The following WDTC1 variants were observed in gnomAD, a reference collection of about 807,000 sequenced individuals.
The protein encoded by WDTC1 is WD and tetratricopeptide repeats protein 1.
A neutral mutation model predicts 76.0 loss-of-function variants in WDTC1; 12 were observed. The ratio of observed to expected loss-of-function variants is 0.16; its 90% confidence interval spans 0.10 to 0.26. The LOEUF (loss-of-function observed/expected upper bound fraction) is 0.26, where lower values mean the gene tolerates loss of function less well. Ranked by LOEUF, WDTC1 falls within the 10% of genes least tolerant of loss-of-function variation. The probability of loss-of-function intolerance (pLI) is 1.00; values close to 1 mark genes in which losing one functional copy is unlikely to be tolerated. For missense variants in WDTC1, 511 were observed against 908.8 expected, an observed-to-expected ratio of 0.56 and a Z score of 5.63; for synonymous variants, 326 against 350.8, an observed-to-expected ratio of 0.93 and a Z score of 0.79.
intron 3 of WDTC1, among the ~76,000 whole-genome samples, chr1:27,273,503 C>T (rs770142685): frequency 6.6e-6 from 1 of 152,030 alleles, no homozygotes; most frequent in Non-Finnish European, 1.5e-5. Context: ...CCACCGTGCC[C>T]GGCCAGTGAC....
chr1:27,286,655 G>T (rs1289372351), intron 5 of WDTC1, among the ~76,000 whole-genome samples: 5 of 150,684 alleles, frequency 3.3e-5, no homozygotes, highest in Non-Finnish European at 5.9e-5. Flanking sequence ...GTAGAGACGG[G>T]GTTTCACCGT....
chr1:27,281,791 T>C (rs1351909762), intron 3 of WDTC1, among the ~76,000 whole-genome samples: 1 of 152,076 alleles, frequency 6.6e-6, no homozygotes, highest in Non-Finnish European at 1.5e-5. Flanking sequence ...GGTTTCGCCG[T>C]GTTGCCCAGG....
intron 6 of WDTC1, among the ~76,000 whole-genome samples, chr1:27,288,708 T>A (rs1368305392): frequency 2.6e-5 from 4 of 151,762 alleles, no homozygotes; most frequent in East Asian, 1.9e-4. Context: ...AGAAGAATTT[T>A]TCTTAGTACA....
At chr1:27,273,196 T>C (rs1165912275) in intron 3 of WDTC1, among the ~76,000 whole-genome samples, 1 of 137,856 alleles carries the variant, frequency 7.3e-6, no homozygotes, top group Non-Finnish European at 1.5e-5. Context: ...ACTAATTTTC[T>C]TTTTCTTTTC....
chr1:27,287,903 T>C (rs2013389405), intron 6 of WDTC1, 42 bp downstream of exon 6: 1 of 1,581,978 alleles, frequency 6.3e-7, no homozygotes, highest in Non-Finnish European at 8.6e-7. Context: ...CGCTCCCCCA[T>C]CCCATCATCC....
chr1:27,245,358 A>G (rs1292436824), intron 1 of WDTC1, among the ~76,000 whole-genome samples: 1 of 151,706 alleles, frequency 6.6e-6, no homozygotes, highest in Non-Finnish European at 1.5e-5. Context: ...CTAAGCTTAC[A>G]TCACTCCTGG....
intron 3 of WDTC1, among the ~76,000 whole-genome samples, chr1:27,271,857 G>A (rs918396441): frequency 1.3e-5 from 2 of 149,168 alleles, no homozygotes; most frequent in African/African-American, 4.9e-5. Flanking sequence ...GGCTGGTCTC[G>A]AACTCCCGGC....
intron 12 of WDTC1, among the ~76,000 whole-genome samples, chr1:27,300,659 A>C (rs1007152263): frequency 1.3e-5 from 2 of 152,086 alleles, no homozygotes; most frequent in African/African-American, 2.4e-5. Flanking sequence ...CTCCAGCCCC[A>C]GGAGGTAGAG....
chr1:27,239,889 A>C (rs942323325), intron 1 of WDTC1, among the ~76,000 whole-genome samples: 1 of 150,838 alleles, frequency 6.6e-6, no homozygotes, highest in African/African-American at 2.4e-5. Flanking sequence ...CACTTGCTAG[A>C]TACTTTTTCT....
At chr1:27,237,432 C>A (rs980952017) in intron 1 of WDTC1, among the ~76,000 whole-genome samples, 1 of 152,120 alleles carries the variant, frequency 6.6e-6, no homozygotes, top group African/African-American at 2.4e-5. Flanking sequence ...TCCACCTCAC[C>A]TTTCCAGATG....
At chr1:27,288,348 T>C (rs2013405629) in intron 6 of WDTC1, among the ~76,000 whole-genome samples, 2 of 150,788 alleles carry the variant, frequency 1.3e-5, no homozygotes, top group African/African-American at 2.5e-5. Flanking sequence ...TAATTAATTT[T>C]TATTTATTTA....
intron 1 of WDTC1, among the ~76,000 whole-genome samples, chr1:27,235,641 G>A (rs1449006944): frequency 6.6e-6 from 1 of 152,028 alleles, no homozygotes; most frequent in Non-Finnish European, 1.5e-5. Context: ...ACTGAAAGCC[G>A]CAGTGGGACG....
At chr1:27,271,899 A>G (rs897968900) in intron 3 of WDTC1, among the ~76,000 whole-genome samples, 8 of 149,772 alleles carry the variant, frequency 5.3e-5, no homozygotes, top group Non-Finnish European at 1.5e-5. Flanking sequence ...AGCCTCCCAA[A>G]GTGCTGGGAT....
At chr1:27,240,948 C>G (rs2011612104) in intron 1 of WDTC1, among the ~76,000 whole-genome samples, 1 of 139,450 alleles carries the variant, frequency 7.2e-6, no homozygotes, top group Non-Finnish European at 1.5e-5. Context: ...GTACTCCAGC[C>G]TGGGTGACAG....
chr1:27,268,427 TGG>T (rs2012745666), intron 3 of WDTC1, among the ~76,000 whole-genome samples: 4 of 151,062 alleles, frequency 2.6e-5, no homozygotes, highest in Admixed American at 6.6e-5. Context: ...TGTTTGTTTG[TGG>T]TTTTTTTGTG....
At chr1:27,247,055 A>G (rs1423527960) in intron 1 of WDTC1, among the ~76,000 whole-genome samples, 1 of 151,372 alleles carries the variant, frequency 6.6e-6, no homozygotes, top group Non-Finnish European at 1.5e-5. Context: ...TTATTTATTT[A>G]ATTAATTAAA....
rs972934355 is a variant in WDTC1 at position 27,301,095 on chromosome 1, C to G, written c.1233-131C>G. 1.3e-6 allele frequency: 1 copy of G among 756,566 alleles called. No individual in the cohort carries two copies. Among genetic ancestry groups the G allele is most frequent in the South Asian group, 1.7e-5 (1 of 59,712 alleles). The allele number at this position is 756,566 out of a possible 1,614,324, so 46.9% of individuals were successfully genotyped here. On this transcript the variant is annotated intron_variant, in intron 12 of 15. Transcript: ENST00000319394. The surrounding 1 kb of genome is among the most constrained non-coding windows in gnomAD (Gnocchi z 5.8). Reference sequence around the variant, plus strand: ...TGGGCTGAGCCAGGATTCTCTTCGTCCTCAAGTCCCCTTGCCATGAGATCT... The same window carrying G: ...TGGGCTGAGCCAGGATTCTCTTCGTGCTCAAGTCCCCTTGCCATGAGATCT...
At chr1:27,280,152 A>G (rs1403934540) in intron 3 of WDTC1, among the ~76,000 whole-genome samples, 1 of 152,242 alleles carries the variant, frequency 6.6e-6, no homozygotes, top group Non-Finnish European at 1.5e-5. Flanking sequence ...AAGGGTAATT[A>G]TGTGAAGTAC....
intron 1 of WDTC1, among the ~76,000 whole-genome samples, chr1:27,252,029 T>C (rs905171635): frequency 6.6e-6 from 1 of 151,236 alleles, no homozygotes; most frequent in Non-Finnish European, 1.5e-5. Context: ...GCCTGGGTGA[T>C]AGAGCAAGAC....
Sources: gnomAD v4.1 joint callset for allele counts (sites outside exome capture counted in the v4.1 genomes callset) on GRCh38, gnomAD v4.1.1 for gene constraint, Gnocchi (gnomAD v3.1) non-coding constraint, MANE v1.5 for transcripts, NCBI Gene and HGNC (gene_info 2026-07-23, HGNC 2026-07-21) for gene names.